MICALL2: variants seen among roughly 807,000 people sequenced by gnomAD.
MICALL2 encodes MICAL-like protein 2.
MICALL2 carries 111 observed loss-of-function variants against 91.1 expected under a neutral mutation model. The ratio of observed to expected loss-of-function variants is 1.22; its 90% CI spans 1.04 to 1.43. The LOEUF is 1.43. MICALL2 is among the 40% of genes most tolerant of loss of function. The probability of loss-of-function intolerance (pLI) is 0.00; values close to 1 mark genes in which losing one functional copy is unlikely to be tolerated. For missense variants in MICALL2, 1,556 were observed against 1,236.0 expected, an observed-to-expected ratio of 1.26 and a Z score of -3.88; for synonymous variants, 694 against 525.3, an observed-to-expected ratio of 1.32 and a Z score of -4.39.
chr7:1,444,378 C>T (rs114595844), intron 6 of MICALL2, among the ~76,000 whole-genome samples: 7,243 of 151,886 alleles, frequency 0.048, 606 homozygotes, highest in African/African-American at 0.16. Context: ...ACAGGGGGCC[C>T]CGGAGCGGCA....
intron 9 of MICALL2, chr7:1,439,541 G>A (rs376402241): frequency 9.3e-4 from 193 of 207,584 alleles, no homozygotes; most frequent in Admixed American, 1.2e-3. Context: ...ACATGGACAC[G>A]CATCACACAT....
At chr7:1,457,281 G>A (rs772518083) in intron 1 of MICALL2, among the ~76,000 whole-genome samples, 1 of 152,208 alleles carries the variant, frequency 6.6e-6, no homozygotes, top group Admixed American at 6.5e-5. Context: ...CAGGGGTGCA[G>A]CAGTGAACAA....
chr7:1,444,973 G>T lies in MICALL2; in HGVS notation c.1097C>A (p.Pro366Gln). 6.6e-7 allele frequency: 1 copy of T among 1,505,612 alleles called. No individual in the cohort carries two copies. 93.3% of individuals were successfully genotyped at this position (1,505,612 alleles called of 1,614,324 possible). A position where few individuals can be genotyped will look rare whatever the true frequency, so the allele number is the denominator to read the frequency against. Residue 366 changes from proline (P) to glutamine (Q), a missense_variant, in exon 6 of 17, where the codon CCG becomes CAG. Transcript: ENST00000297508. ...AAAASHPAVP[P>Q]SAPDPRPATP... is the part of the protein sequence containing the mutation. ...GGCCGGGCGAGGGTCTGGGGCACTC[G>T]GGGGCACGGCGGGATGGGAGGCAGC...
Position 1,450,138 on chromosome 7 carries a change from G to A in MICALL2, c.192+102C>T, listed in dbSNP as rs1780771628. On this transcript the variant is annotated intron_variant, in intron 2 of 16. Coordinates refer to ENST00000297508, the MANE Select transcript of MICALL2 (RefSeq NM_182924.4). ...CCCGATTCCCAGGCAGGACTCCCAA[G>A]GCAGGTGCAGGGCCTGGGGGGAGTC... 22 of 876,286 alleles carry A rather than the reference G, an allele frequency of 2.5e-5. 1 individual carries two copies. In the South Asian group the frequency reaches 3.0e-4, roughly 12 times the overall value. 54.3% of individuals were successfully genotyped at this position (876,286 alleles called of 1,614,324 possible).
rs143804396 is a variant in MICALL2, at chr7:1,447,749, G to C, written c.351C>G (p.Gly117=). Residue 117 remains glycine, a synonymous_variant, in exon 4 of 17, where the codon GGC becomes GGG. Transcript: ENST00000297508. ...CAGAGTCCTCCGAGGCCCTCTTCAC[G>C]CCTGCCATGCCCCCAACTGGAGGAA... The part of the protein sequence containing the change: ...HGRSPIGGMA[G]VKRASEDSEE... 1 of 1,544,348 alleles carries C rather than the reference G, an allele frequency of 6.5e-7. No individual in the cohort carries two copies. The highest frequency in any genetic ancestry group is 8.7e-7 in the Non-Finnish European group (1 of 1,143,596).
chr7:1,436,770 C>CGATGTCACT lies in MICALL2; in HGVS notation c.2554_2562dup (p.Ser852_Ile854dup). 3.1e-6 allele frequency: 5 copies of CGATGTCACT among 1,607,910 alleles called. No homozygotes were observed. Among genetic ancestry groups the CGATGTCACT allele is most frequent in the Non-Finnish European group, 4.2e-6 (5 of 1,178,256 alleles). Reference sequence around the variant, plus strand: ...AGCCGGTCCTCGTCCAGCGAGTCCACGATGTCACTGCGGTCGTTCACGGTG... The same window carrying CGATGTCACT: ...AGCCGGTCCTCGTCCAGCGAGTCCACGATGTCACTGATGTCACTGCGGTCGTTCACGGTG... On this transcript the variant is annotated inframe_insertion, in exon 15 of 17. Transcript: ENST00000297508.
At chr7:1,448,999 C>T (rs977279987) in intron 2 of MICALL2, among the ~76,000 whole-genome samples, 20 of 152,316 alleles carry the variant, frequency 1.3e-4, no homozygotes, top group Middle Eastern at 3.4e-3. Context: ...CTCAAGGCCC[C>T]GTCCAGGTGA....
rs751456779 is a variant in MICALL2 at position 1,438,909 on chromosome 7, G to C, written c.2053C>G (p.Pro685Ala). The change falls in exon 10 of 17, where the codon CCT becomes GCT. Residue 685 changes from proline to alanine, a missense_variant. Physicochemically the swap from Pro to Ala is conservative, Grantham distance 27 (BLOSUM62 -1). Coordinates refer to ENST00000297508, the MANE Select transcript of MICALL2 (RefSeq NM_182924.4). ...VCDNWLRPEP[P>A]GQEARVQSWK... ...CTCTGCACTCGGGCTTCCTGGCCAG[G>C]GGGCTCCGGCCGAAGCCAGTTGTCA... 5.0e-6 allele frequency: 8 copies of C among 1,609,718 alleles called. No homozygotes were observed. The highest frequency in any genetic ancestry group is 2.5e-6 in the Non-Finnish European group (3 of 1,179,580).
intron 14 of MICALL2, 53 bp downstream of exon 14, chr7:1,437,482 G>A: frequency 1.4e-6 from 2 of 1,461,654 alleles, no homozygotes; most frequent in African/African-American, 2.9e-5. Flanking sequence ...AGACATCCTG[G>A]GCTCCGCGGC....
rs1780852633 is a variant in MICALL2 at position 1,452,021 on chromosome 7, C to T, written c.144-1733G>A. Among the ~76,000 whole-genome samples, 1 of 152,190 alleles carries T rather than the reference C, an allele frequency of 6.6e-6. No individual in the cohort carries two copies. The highest frequency in any genetic ancestry group is 2.4e-5 in the African/African-American group (1 of 41,446). The stretch of plus-strand genomic sequence containing the variant: ...GGGGCTGCAGGCTGCCCACCTCTCT[C>T]CTTAGGAAGCCCCCGCCCCGTCCGC... On this transcript the variant is annotated intron_variant, in intron 1 of 16. Transcript: ENST00000297508. The surrounding 1 kb of genome is among the most constrained non-coding windows in gnomAD (Gnocchi z 6.2).
intron 1 of MICALL2, among the ~76,000 whole-genome samples, chr7:1,453,078 C>A (rs1012550414): frequency 6.6e-6 from 1 of 151,452 alleles, no homozygotes; most frequent in African/African-American, 2.4e-5. Context: ...TGGCAGAAAT[C>A]GCCGCCAGAA....
At chr7:1,435,923 G>A (rs1341997916) in intron 15 of MICALL2, among the ~76,000 whole-genome samples, 2 of 151,812 alleles carry the variant, frequency 1.3e-5, no homozygotes, top group Admixed American at 6.6e-5. Context: ...GTGGTGGCGG[G>A]CGCCTGTAGT....
At chr7:1,450,371 A>C in intron 1 of MICALL2, 83 bp from the exon 2 acceptor site, 1 of 1,145,732 alleles carries the variant, frequency 8.7e-7, no homozygotes, top group Non-Finnish European at 1.3e-6. Flanking sequence ...CATCTTGCCC[A>C]AACAGAGAAA....
At chr7:1,446,058 G>C (rs566212286) in intron 5 of MICALL2, among the ~76,000 whole-genome samples, 2 of 144,846 alleles carry the variant, frequency 1.4e-5, no homozygotes, top group Non-Finnish European at 3.0e-5. Context: ...GGGGCACTGG[G>C]GGACACTGGG....
At chr7:1,445,556 C>T (rs1262159163) in intron 5 of MICALL2, 128 bp from the exon 6 acceptor site, 12 of 850,006 alleles carry the variant, frequency 1.4e-5, no homozygotes, top group African/African-American at 3.4e-5. Flanking sequence ...ACGCCCGCCC[C>T]GCCACGCATT....
At chr7:1,443,008 C>T (rs1048398569) in intron 6 of MICALL2, among the ~76,000 whole-genome samples, 3 of 152,102 alleles carry the variant, frequency 2.0e-5, no homozygotes, top group African/African-American at 7.2e-5. Flanking sequence ...CAGGCACACA[C>T]CAGGAGTGAG....
chr7:1,444,623 C>T (rs546970510), intron 6 of MICALL2, 29 bp downstream of exon 6: 4 of 1,593,494 alleles, frequency 2.5e-6, no homozygotes, highest in East Asian at 2.3e-5. Flanking sequence ...GAGGCCATAC[C>T]CGGGGTCCCT....
At position 1,442,280 on chromosome 7, in the gene MICALL2, T is replaced by C. The variant is rs1358829970; in HGVS notation, c.1623A>G (p.Glu541=). 6.2e-7 allele frequency: 1 copy of C among 1,613,012 alleles called. No individual in the cohort carries two copies. Among genetic ancestry groups the C allele is most frequent in the Non-Finnish European group, 8.5e-7 (1 of 1,179,936 alleles). ...CACCCACCCTGCCGACCCCTGAGGA[T>C]TCCGCCAAGTTCCTCCTGCCTGCCG... is the stretch of plus-strand genomic sequence containing the variant. ...LPPAGRRNLA[E]SSGVGRVGAG... The change falls in exon 7 of 17, where the codon GAA becomes GAG. Residue 541 remains glutamate (E), a synonymous_variant. Coordinates refer to ENST00000297508, the MANE Select transcript of MICALL2 (RefSeq NM_182924.4).
intron 1 of MICALL2, among the ~76,000 whole-genome samples, chr7:1,453,135 TG>T (rs1220456520): frequency 6.6e-6 from 1 of 151,940 alleles, no homozygotes; most frequent in African/African-American, 2.4e-5. Flanking sequence ...ACCCCACTCG[TG>T]TCTCCAGGAG....
Sources: allele counts gnomAD v4.1 joint callset (sites outside exome capture counted in the v4.1 genomes callset), GRCh38; gene constraint gnomAD v4.1.1; non-coding constraint Gnocchi (gnomAD v3.1); transcripts MANE v1.5; gene names NCBI Gene and HGNC (gene_info 2026-07-23, HGNC 2026-07-21).